The following FHIT variants were observed in gnomAD, a reference collection of about 807,000 sequenced individuals.
FHIT encodes fragile histidine triad diadenosine triphosphatase, also known as bis(5'-adenosyl)-triphosphatase.
FHIT carries 19 observed loss-of-function variants against 17.9 expected under a neutral mutation model. The observed-to-expected ratio is 1.06, with a 90% CI of 0.74 to 1.56. The LOEUF is 1.56. FHIT is among the 40% of genes most tolerant of loss of function. The probability of loss-of-function intolerance (pLI) is 0.00; values close to 1 mark genes in which losing one functional copy is unlikely to be tolerated. For synonymous variants in FHIT, 81 were observed against 69.7 expected (o/e 1.16, Z -0.81); for missense variants, 248 against 189.2 (o/e 1.31, Z -1.82).
At chr3:60,816,146 T>A (rs1018813379) in intron 4 of FHIT, among the ~76,000 whole-genome samples, 2 of 151,978 alleles carry the variant, frequency 1.3e-5, no homozygotes, top group African/African-American at 4.8e-5. Flanking sequence ...TTTGGTGGCG[T>A]CTTTGAGTTT....
chr3:60,237,543 T>C (rs1002114026), intron 5 of FHIT, among the ~76,000 whole-genome samples: 2 of 152,156 alleles, frequency 1.3e-5, no homozygotes, highest in African/African-American at 4.8e-5. Context: ...TTAATCCTCT[T>C]AGAATCCTGT....
chr3:60,802,769 C>CT lies in FHIT; in HGVS notation c.-18+19149dup, dbSNP rs2106671438. 4.0e-5 allele frequency among the ~76,000 whole-genome samples: 3 copies of CT among 74,100 alleles called. No homozygotes were observed. The East Asian group carries it at 2.1e-3, about 52-fold the overall frequency. 48.6% of individuals were successfully genotyped at this position (74,100 alleles called of 152,430 possible). ...GAGGTGCCAGCATCAAATAAACAGG[C>CT]TTAAAAAAAAAATTCCAGGAAACTT... On this transcript the variant is annotated intron_variant, in intron 4 of 9. Coordinates refer to ENST00000492590, the MANE Select transcript of FHIT (RefSeq NM_002012.4).
intron 5 of FHIT, among the ~76,000 whole-genome samples, chr3:60,179,565 A>G (rs1701831734): frequency 6.6e-6 from 1 of 151,312 alleles, no homozygotes; most frequent in Non-Finnish European, 1.5e-5. Flanking sequence ...AGGATGTGCC[A>G]TTTTTTTTTA....
intron 1 of FHIT, among the ~76,000 whole-genome samples, chr3:61,207,660 T>G (rs4533645): frequency 0.43 from 65,499 of 151,710 alleles, 14,482 homozygotes; most frequent in East Asian, 0.58. Flanking sequence ...GGGATCGGTG[T>G]TGATATCCCC....
chr3:59,817,953 G>T (rs938839363), intron 8 of FHIT, among the ~76,000 whole-genome samples: 2 of 152,108 alleles, frequency 1.3e-5, no homozygotes, highest in Admixed American at 6.5e-5. Context: ...CGAGAGGCTG[G>T]GGGGAAGAAA....
chr3:59,931,665 A>AAAAAAATAAAAT, intron 7 of FHIT, among the ~76,000 whole-genome samples: 1 of 151,756 alleles, frequency 6.6e-6, no homozygotes, highest in African/African-American at 2.4e-5. Flanking sequence ...AAAATAAAAT[A>AAAAAAATAAAAT]AAAAAAAATT....
At chr3:61,088,482 C>T in intron 2 of FHIT, among the ~76,000 whole-genome samples, 1 of 152,014 alleles carries the variant, frequency 6.6e-6, no homozygotes, top group East Asian at 1.9e-4. Context: ...AAGCTGAATC[C>T]CTTGCTTTCT....
chr3:60,442,579 T>C (rs559156331), intron 5 of FHIT, among the ~76,000 whole-genome samples: 1 of 152,114 alleles, frequency 6.6e-6, no homozygotes. Flanking sequence ...GATCAGATAG[T>C]TGTAGATGTG....
At chr3:60,124,528 A>G (rs982780940) in intron 5 of FHIT, among the ~76,000 whole-genome samples, 5 of 152,280 alleles carry the variant, frequency 3.3e-5, no homozygotes, top group African/African-American at 1.2e-4. Context: ...CCTGCCTGCA[A>G]AAATGATCTA....
chr3:60,638,849 C>G (rs943568975), intron 4 of FHIT, among the ~76,000 whole-genome samples: 1 of 151,568 alleles, frequency 6.6e-6, no homozygotes, highest in African/African-American at 2.4e-5. Context: ...ATCTTCTCAA[C>G]AAACAAATGT....
At chr3:60,797,604 A>G (rs1553730812) in intron 4 of FHIT, among the ~76,000 whole-genome samples, 1 of 151,260 alleles carries the variant, frequency 6.6e-6, no homozygotes. Context: ...TGGACATAGT[A>G]ACTTAGGCAT....
At position 60,291,407 on chromosome 3, in the gene FHIT, A is replaced by G. The variant is rs77711050; in HGVS notation, c.103+245453T>C. On this transcript the variant is annotated intron_variant, in intron 5 of 9. Coordinates refer to ENST00000492590, the MANE Select transcript of FHIT (RefSeq NM_002012.4). ...CTTTTATTATGCTGTCACGTCCTCT[A>G]TCTGAGCTGTGCCATGTTGCCCGTT... is the stretch of plus-strand genomic sequence containing the variant. Among the ~76,000 whole-genome samples the G allele has an allele frequency of 3.4e-3, 514 of 152,082 alleles. 2 individuals carry two copies. Among genetic ancestry groups the G allele is most frequent in the African/African-American group, 0.012 (492 of 41,560 alleles).
At chr3:61,029,944 A>C (rs2032929665) in intron 3 of FHIT, among the ~76,000 whole-genome samples, 1 of 152,078 alleles carries the variant, frequency 6.6e-6, no homozygotes, top group South Asian at 2.1e-4. Flanking sequence ...TCCACCCTAG[A>C]CCTGAATCAA....
At chr3:59,787,649 T>C (rs899874082) in intron 8 of FHIT, among the ~76,000 whole-genome samples, 1 of 152,186 alleles carries the variant, frequency 6.6e-6, no homozygotes, top group African/African-American at 2.4e-5. Context: ...TGATAATAGT[T>C]ACCATGGATT....
intron 1 of FHIT, among the ~76,000 whole-genome samples, chr3:61,205,604 G>C (rs576539295): frequency 6.6e-6 from 1 of 152,136 alleles, no homozygotes; most frequent in Admixed American, 6.6e-5. Context: ...GTGTCTTTTG[G>C]CTGCGTAAAT....
At chr3:60,418,399 T>C (rs1262497150) in intron 5 of FHIT, among the ~76,000 whole-genome samples, 1 of 127,814 alleles carries the variant, frequency 7.8e-6, no homozygotes, top group Non-Finnish European at 1.6e-5. Context: ...TATATATATA[T>C]ATATATATAT....
chr3:60,532,720 G>T (rs888542983), intron 5 of FHIT, among the ~76,000 whole-genome samples: 1 of 152,174 alleles, frequency 6.6e-6, no homozygotes, highest in African/African-American at 2.4e-5. Context: ...GAACAAGGAG[G>T]GACTGAAGTG....
chr3:61,218,530 A>C (rs781537043), intron 1 of FHIT, among the ~76,000 whole-genome samples: 2 of 151,876 alleles, frequency 1.3e-5, no homozygotes. Flanking sequence ...AAAGGGCTGG[A>C]AGACGGTTTG....
chr3:61,157,877 A>G (rs893409233), intron 2 of FHIT, among the ~76,000 whole-genome samples: 1 of 152,212 alleles, frequency 6.6e-6, no homozygotes, highest in Non-Finnish European at 1.5e-5. Flanking sequence ...ACATGAGGTT[A>G]GTAGTTGGTT....
Sources: gnomAD v4.1 joint callset for allele counts (sites outside exome capture counted in the v4.1 genomes callset) on GRCh38, gnomAD v4.1.1 for gene constraint, MANE v1.5 for transcripts, NCBI Gene and HGNC (gene_info 2026-07-23, HGNC 2026-07-21) for gene names.